The following INTS6 variants were observed in gnomAD, a reference collection of about 807,000 sequenced individuals.
The protein encoded by INTS6 is DEAD box protein.
In INTS6, 16 loss-of-function variants were observed where a neutral mutation model predicts 104.9. That is an observed-to-expected ratio of 0.15 (90% CI 0.10 to 0.23). The LOEUF is 0.23. INTS6 is among the 10% of genes least tolerant of loss of function. The probability of loss-of-function intolerance (pLI) is 1.00; values close to 1 mark genes in which losing one functional copy is unlikely to be tolerated. For missense variants in INTS6, 584 were observed against 1,062.8 expected, an observed-to-expected ratio of 0.55 and a Z score of 6.26; for synonymous variants, 324 against 358.7, an observed-to-expected ratio of 0.90 and a Z score of 1.09.
the INTS6 span, among the ~76,000 whole-genome samples, chr13:51,336,628 T>C: frequency 6.6e-6 from 1 of 152,150 alleles, no homozygotes; most frequent in Non-Finnish European, 1.5e-5. Context: ...TTAAGTAAGA[T>C]GAGATGAGAG....
chr13:51,391,940 G>A (rs1397038525), intron 5 of INTS6, among the ~76,000 whole-genome samples: 1 of 152,088 alleles, frequency 6.6e-6, no homozygotes, highest in Non-Finnish European at 1.5e-5. Flanking sequence ...CTTCTCCCCA[G>A]TGTACCATCT....
Position 51,379,534 on chromosome 13 carries a change from G to A in INTS6, c.1314C>T (p.Asn438=), listed in dbSNP as rs1956004738. Residue 438 remains asparagine (N), a synonymous_variant, in exon 11 of 18, where the codon AAC becomes AAT. Transcript: ENST00000311234. ...KKAVRMMGAP[N]LIADSMEYGL... ...CATATTCCATACTGTCTGCTATTAG[G>A]TTAGGTGCTCCCATCATCCTAACAG... 1 of 1,602,936 alleles carries A rather than the reference G, an allele frequency of 6.2e-7. No homozygotes were observed. Among genetic ancestry groups the A allele is most frequent in the Non-Finnish European group, 8.5e-7 (1 of 1,174,138 alleles).
At chr13:51,380,236 G>A (rs1396040909) in intron 10 of INTS6, among the ~76,000 whole-genome samples, 1 of 152,092 alleles carries the variant, frequency 6.6e-6, no homozygotes, top group Non-Finnish European at 1.5e-5. Flanking sequence ...TATTATGGAT[G>A]TGGTAGTTGA....
chr13:51,433,138 A>G (rs969622007), intron 3 of INTS6, among the ~76,000 whole-genome samples: 1 of 152,308 alleles, frequency 6.6e-6, no homozygotes. Context: ...TATCACTTCT[A>G]CATTTTAACA....
intron 3 of INTS6, chr13:51,450,468 A>G: frequency 1.0e-6 from 1 of 985,438 alleles, no homozygotes; most frequent in Non-Finnish European, 1.2e-6. Context: ...CTGAAATTTA[A>G]TTCAGAGTTC....
intron 3 of INTS6, chr13:51,438,113 C>T (rs1952726087): frequency 6.6e-6 from 1 of 152,124 alleles, no homozygotes; most frequent in Non-Finnish European, 1.5e-5. Flanking sequence ...AGAAATGGTA[C>T]TAACCCAACA....
rs148434316 is a variant in INTS6, at chr13:51,383,598, T to A, written c.1038A>T (p.Thr346=). 93 of 1,613,696 alleles carry A rather than the reference T, an allele frequency of 5.8e-5. No homozygotes were observed. In the African/African-American group the frequency reaches 1.2e-3, roughly 21 times the overall value. The stretch of plus-strand genomic sequence containing the variant: ...AAGTTGTTCAGCTTACCTGCCAACA[T>A]GTTTGAGGAGATTTCCTTTCCAGGA... The part of the protein sequence containing the change: ...QFILERKSPQ[T]CWQVYVSNSA... The change falls in exon 8 of 18, where the codon ACA becomes ACT. Residue 346 remains threonine, a synonymous_variant. Transcript: ENST00000311234.
intron 4 of INTS6, among the ~76,000 whole-genome samples, chr13:51,426,493 T>C (rs1956987459): frequency 6.6e-6 from 1 of 152,070 alleles, no homozygotes; most frequent in Non-Finnish European, 1.5e-5. Context: ...AATTATACTA[T>C]AAAAATGCAC....
intron 4 of INTS6, among the ~76,000 whole-genome samples, chr13:51,419,160 A>C (rs1956849829): frequency 6.6e-6 from 1 of 152,186 alleles, no homozygotes; most frequent in South Asian, 2.1e-4. Flanking sequence ...AGTTCAACCT[A>C]CAATCATGTC....
the INTS6 span, among the ~76,000 whole-genome samples, chr13:51,336,285 C>T: frequency 0.021 from 3,152 of 152,140 alleles, 131 homozygotes; most frequent in African/African-American, 0.072. Context: ...GCCAGGAGTT[C>T]GAGACCAACC....
intron 4 of INTS6, among the ~76,000 whole-genome samples, chr13:51,421,724 C>T (rs768729324): frequency 6.6e-6 from 1 of 152,034 alleles, no homozygotes; most frequent in East Asian, 1.9e-4. Flanking sequence ...TTCATTCTCT[C>T]AAAATTGAAA....
At chr13:51,336,443 T>G in the INTS6 span, among the ~76,000 whole-genome samples, 1 of 152,132 alleles carries the variant, frequency 6.6e-6, no homozygotes, top group African/African-American at 2.4e-5. Flanking sequence ...GCCGAGGTCG[T>G]GCCACCGCAC....
At position 51,378,194 on chromosome 13, in the gene INTS6, C is replaced by T. The variant is rs76915607; in HGVS notation, c.1602+45G>A. 4.5e-5 allele frequency: 61 copies of T among 1,359,478 alleles called. No individual in the cohort carries two copies. The African/African-American group carries it at 7.7e-4, about 17-fold the overall frequency. 84.2% of individuals were successfully genotyped at this position (1,359,478 alleles called of 1,614,324 possible). On this transcript the variant is annotated intron_variant, in intron 12 of 17. Transcript: ENST00000311234. ...ACAGAAAATGTGATTTATCCAGTAA[C>T]ATAACAGAACATAACTAGAGTAGCA...
chr13:51,378,593 G>A (rs1261783603), intron 11 of INTS6, 139 bp from the exon 12 acceptor site: 1 of 425,522 alleles, frequency 2.4e-6, no homozygotes, highest in East Asian at 3.8e-5. Context: ...CATAGTTTAT[G>A]TCAAGTATTG....
At chr13:51,414,141 T>C (rs1328759364) in intron 4 of INTS6, among the ~76,000 whole-genome samples, 2 of 152,196 alleles carry the variant, frequency 1.3e-5, no homozygotes, top group African/African-American at 4.8e-5. Context: ...TGAAATCCAG[T>C]TGTATGATGT....
chr13:51,364,123 C>T lies in INTS6; in HGVS notation c.*1629G>A. 1 of 459,900 alleles carries T rather than the reference C, an allele frequency of 2.2e-6. No homozygotes were observed. The highest frequency in any genetic ancestry group is 5.8e-5 in the South Asian group (1 of 17,286). The allele number at this position is 459,900 out of a possible 1,614,324, so 28.5% of individuals were successfully genotyped here. A position where few individuals can be genotyped will look rare whatever the true frequency, so the allele number is the denominator to read the frequency against. On this transcript the variant is annotated 3_prime_UTR_variant, in exon 18 of 18. Coordinates refer to ENST00000311234, the MANE Select transcript of INTS6 (RefSeq NM_012141.3). Reference sequence around the variant, plus strand: ...ACTACAGGCAATTACCTTAACAATTCCATCTATTAAATGTTATCTTGCATT... The same window carrying T: ...ACTACAGGCAATTACCTTAACAATTTCATCTATTAAATGTTATCTTGCATT...
In INTS6 at chr13:51,363,337, C is replaced by T. The variant is rs1027354477; in HGVS notation, c.*2415G>A. Reference sequence around the variant, plus strand: ...AATTCTAATAGTCCTTGTGACTTTACCTCTATCTGGGAGGCATTAGCCTAC... The same window carrying T: ...AATTCTAATAGTCCTTGTGACTTTATCTCTATCTGGGAGGCATTAGCCTAC... On this transcript the variant is annotated 3_prime_UTR_variant, in exon 18 of 18. Coordinates refer to ENST00000311234, the MANE Select transcript of INTS6 (RefSeq NM_012141.3). The T allele has an allele frequency of 2.6e-5, 4 of 151,894 alleles. No individual in the cohort carries two copies. The highest frequency in any genetic ancestry group is 1.3e-4 in the Admixed American group (2 of 15,214). 9.4% of individuals were successfully genotyped at this position (151,894 alleles called of 1,614,324 possible).
intron 3 of INTS6, chr13:51,437,355 T>C (rs1952710126): frequency 6.6e-6 from 1 of 152,096 alleles, no homozygotes; most frequent in African/African-American, 2.4e-5. Context: ...TGAACTCAAT[T>C]TTAAATACTA....
At chr13:51,342,348 T>C in the INTS6 span, among the ~76,000 whole-genome samples, 1 of 152,066 alleles carries the variant, frequency 6.6e-6, no homozygotes, top group African/African-American at 2.4e-5. Flanking sequence ...CTGAGCACCT[T>C]TGTTAATCTG....
Sources: gnomAD v4.1 joint callset for allele counts (sites outside exome capture counted in the v4.1 genomes callset) on GRCh38, gnomAD v4.1.1 for gene constraint, MANE v1.5 for transcripts, NCBI Gene and HGNC (gene_info 2026-07-23, HGNC 2026-07-21) for gene names.